The following KCNQ1 variants were observed in gnomAD, a reference collection of about 807,000 sequenced individuals.
The protein encoded by KCNQ1 is potassium voltage-gated channel subfamily Q member 1, also known as potassium voltage-gated channel subfamily KQT member 1.
Under a neutral mutation model 72.4 loss-of-function variants are expected in KCNQ1, and 49 were observed. That is an observed-to-expected ratio of 0.68 (90% CI 0.54 to 0.86). The LOEUF (loss-of-function observed/expected upper bound fraction) is 0.86, where lower values mean the gene tolerates loss of function less well. KCNQ1 is among the 40% of genes least tolerant of loss of function. The pLI is 0.00. For synonymous variants in KCNQ1, 450 were observed against 412.6 expected (o/e 1.09, Z -1.10); for missense variants, 790 against 945.1 (o/e 0.84, Z 2.15).
chr11:2,841,106 G>C lies in KCNQ1; in HGVS notation c.1795-6661G>C, dbSNP rs148496980. Among the ~76,000 whole-genome samples, 723 of 152,312 alleles carry C rather than the reference G, an allele frequency of 4.7e-3. 6 individuals carry two copies. Among genetic ancestry groups the C allele is most frequent in the African/African-American group, 0.017 (695 of 41,558 alleles). On this transcript the variant is annotated intron_variant, in intron 15 of 15. Transcript: ENST00000155840. ...CCGGGACATTTCAGGGAGTGGTGAA[G>C]GCTTACAGGAACATGGGGAGAGATG...
In KCNQ1 at chr11:2,766,297, G is replaced by A. The variant is rs1474532506; in HGVS notation, c.1515-2547G>A. Reference sequence around the variant, plus strand: ...CTGCCCAGTTGGGTGGTCTCACTTGGATTCGATGACATGGCAGTACTTGCA... The same window carrying A: ...CTGCCCAGTTGGGTGGTCTCACTTGAATTCGATGACATGGCAGTACTTGCA... On this transcript the variant is annotated intron_variant, in intron 11 of 15. Transcript: ENST00000155840. This position sits in a 1 kb window ranked among gnomAD's most constrained non-coding sequence, Gnocchi z 4.4. 1.3e-5 allele frequency among the ~76,000 whole-genome samples: 2 copies of A among 152,208 alleles called. No homozygotes were observed. The highest frequency in any genetic ancestry group is 2.9e-5 in the Non-Finnish European group (2 of 68,038).
Position 2,683,156 on chromosome 11 carries a change from A to G in KCNQ1, c.1514+21075A>G, listed in dbSNP as rs1850426908. ...GTGTGGGGATGGGCTAGCATTAGGA[A>G]TGGGTATTAGCATCTGCATTAAAAG... On this transcript the variant is annotated intron_variant, in intron 11 of 15. Coordinates refer to ENST00000155840, the MANE Select transcript of KCNQ1 (RefSeq NM_000218.3). The surrounding 1 kb of genome is among the most constrained non-coding windows in gnomAD (Gnocchi z 4.7). The G allele has an allele frequency of 2.5e-6, 1 of 398,598 alleles. No homozygotes were observed. Among genetic ancestry groups the G allele is most frequent in the East Asian group, 3.6e-5 (1 of 28,074 alleles). 24.7% of individuals were successfully genotyped at this position (398,598 alleles called of 1,614,324 possible).
chr11:2,725,614 G>A lies in KCNQ1; in HGVS notation c.1515-43230G>A, dbSNP rs953832889. Among the ~76,000 whole-genome samples the A allele has an allele frequency of 1.3e-5, 2 of 152,114 alleles. No individual in the cohort carries two copies. Among genetic ancestry groups the A allele is most frequent in the Non-Finnish European group, 1.5e-5 (1 of 68,018 alleles). Reference sequence around the variant, plus strand: ...TCAGACTTGCCCTCGCCCCCTTCCCGAACGTACCCTTTCCATGAGGCTGGG... The same window carrying A: ...TCAGACTTGCCCTCGCCCCCTTCCCAAACGTACCCTTTCCATGAGGCTGGG... On this transcript the variant is annotated intron_variant, in intron 11 of 15. Coordinates refer to ENST00000155840, the MANE Select transcript of KCNQ1 (RefSeq NM_000218.3). This position sits in a 1 kb window ranked among gnomAD's most constrained non-coding sequence, Gnocchi z 7.2.
chr11:2,472,397 T>C (rs1203970735), intron 1 of KCNQ1, among the ~76,000 whole-genome samples: 3 of 151,894 alleles, frequency 2.0e-5, no homozygotes. Context: ...TGTTTGTGTC[T>C]GGGTGTGTGT....
intron 2 of KCNQ1, among the ~76,000 whole-genome samples, chr11:2,531,530 A>C (rs1181673378): frequency 6.6e-6 from 1 of 152,098 alleles, no homozygotes; most frequent in Non-Finnish European, 1.5e-5. Context: ...AGCCCTGCCC[A>C]CTGTCTGCGC....
At chr11:2,545,150 A>G (rs1467011435) in intron 2 of KCNQ1, among the ~76,000 whole-genome samples, 4 of 152,216 alleles carry the variant, frequency 2.6e-5, no homozygotes, top group Non-Finnish European at 4.4e-5. Flanking sequence ...GTCATGCTCT[A>G]GTATTCTTTT....
intron 1 of KCNQ1, among the ~76,000 whole-genome samples, chr11:2,512,056 G>T (rs890606822): frequency 5.3e-5 from 8 of 152,214 alleles, no homozygotes. Context: ...CTGCGCTGTC[G>T]GGCTCGGCGT....
intron 15 of KCNQ1, among the ~76,000 whole-genome samples, chr11:2,789,172 GC>G (rs1336885015): frequency 1.3e-5 from 2 of 152,198 alleles, no homozygotes; most frequent in African/African-American, 4.8e-5. Context: ...CCCACCAGTG[GC>G]CAGGGGAATG....
chr11:2,702,704 TC>T (rs1028930821), intron 11 of KCNQ1, among the ~76,000 whole-genome samples: 3 of 152,082 alleles, frequency 2.0e-5, no homozygotes, highest in African/African-American at 7.2e-5. Context: ...CCTGACAAAT[TC>T]CCCGCCTGTG....
intron 10 of KCNQ1, chr11:2,633,245 T>A: frequency 2.5e-6 from 1 of 398,582 alleles, no homozygotes; most frequent in Non-Finnish European, 4.4e-6. Context: ...TGGTGTTTTT[T>A]GCTGTTGAAT....
chr11:2,847,877 G>A lies in KCNQ1; in HGVS notation c.1905G>A (p.Gly635=), dbSNP rs1003639764. Residue 635 remains glycine, a synonymous_variant, in exon 16 of 16, where the codon GGG becomes GGA. Transcript: ENST00000155840. Reference sequence around the variant, plus strand: ...GCGGCGGCCCCCCCAGAGAGGGCGGGGCCCACATCACCCAGCCCTGCGGCA... The same window carrying A: ...GCGGCGGCCCCCCCAGAGAGGGCGGAGCCCACATCACCCAGCCCTGCGGCA... ...PGSGGPPREG[G]AHITQPCGSG... 34 of 1,580,314 alleles carry A rather than the reference G, an allele frequency of 2.2e-5. No individual in the cohort carries two copies. Among genetic ancestry groups the A allele is most frequent in the African/African-American group, 4.0e-5 (3 of 74,150 alleles).
intron 10 of KCNQ1, chr11:2,655,239 G>A (rs989328654): frequency 5.0e-6 from 2 of 398,614 alleles, no homozygotes; most frequent in Non-Finnish European, 8.8e-6. Flanking sequence ...GGCTGCCTTT[G>A]CCATCCCAGA....
chr11:2,493,697 A>C lies in KCNQ1; in HGVS notation c.387-34231A>C, dbSNP rs1213186625. On this transcript the variant is annotated intron_variant, in intron 1 of 15. Coordinates refer to ENST00000155840, the MANE Select transcript of KCNQ1 (RefSeq NM_000218.3). The surrounding 1 kb of genome is among the most constrained non-coding windows in gnomAD (Gnocchi z 5.3). Reference sequence around the variant, plus strand: ...ATTTCTGAGGTCTCTGTTCTGTTCCATTGGTTTATATATCTGTCTTCATAC... The same window carrying C: ...ATTTCTGAGGTCTCTGTTCTGTTCCCTTGGTTTATATATCTGTCTTCATAC... 6.6e-6 allele frequency among the ~76,000 whole-genome samples: 1 copy of C among 152,048 alleles called. No homozygotes were observed. The highest frequency in any genetic ancestry group is 2.4e-5 in the African/African-American group (1 of 41,384).
chr11:2,732,575 G>A (rs2133942194), intron 11 of KCNQ1, among the ~76,000 whole-genome samples: 1 of 152,346 alleles, frequency 6.6e-6, no homozygotes, highest in South Asian at 2.1e-4. Context: ...CAGCAGGCGC[G>A]AGCGAAGGGG....
chr11:2,563,293 C>T lies in KCNQ1; in HGVS notation c.478-7335C>T, dbSNP rs1283727293. Among the ~76,000 whole-genome samples, 5 of 152,310 alleles carry T rather than the reference C, an allele frequency of 3.3e-5. No homozygotes were observed. Among genetic ancestry groups the T allele is most frequent in the East Asian group, 3.9e-4 (2 of 5,192 alleles). On this transcript the variant is annotated intron_variant, in intron 2 of 15. Coordinates refer to ENST00000155840, the MANE Select transcript of KCNQ1 (RefSeq NM_000218.3). The surrounding 1 kb of genome is among the most constrained non-coding windows in gnomAD (Gnocchi z 7.4). ...TCTCGGAGAACACCGGTTCCACGGC[C>T]GGTTGCAACACGTTTGAGCCAAAGT...
Position 2,468,597 on chromosome 11 carries a change from C to T in KCNQ1, c.386+23113C>T, listed in dbSNP as rs148436994. On this transcript the variant is annotated intron_variant, in intron 1 of 15. Transcript: ENST00000155840. This position sits in a 1 kb window ranked among gnomAD's most constrained non-coding sequence, Gnocchi z 5.7. ...TCACAGCGTCCCCCTGTCCCCACGACCAGGCCACTGCTGCCCTACCATCAG... is the reference window on the plus strand; with the variant it reads ...TCACAGCGTCCCCCTGTCCCCACGATCAGGCCACTGCTGCCCTACCATCAG... Among the ~76,000 whole-genome samples the T allele has an allele frequency of 6.4e-4, 97 of 152,348 alleles. No homozygotes were observed. The highest frequency in any genetic ancestry group is 1.1e-3 in the Non-Finnish European group (77 of 68,038).
chr11:2,700,686 C>T (rs934429730), intron 11 of KCNQ1, among the ~76,000 whole-genome samples: 10 of 152,024 alleles, frequency 6.6e-5, no homozygotes, highest in African/African-American at 2.2e-4. Flanking sequence ...CAGGGGTGGC[C>T]GGGACATGCC....
intron 11 of KCNQ1, chr11:2,681,354 C>T (rs1257823348): frequency 2.5e-6 from 1 of 398,360 alleles, no homozygotes; most frequent in African/African-American, 2.1e-5. Context: ...TTGTAGCTCC[C>T]TGCTCACTCC....
Position 2,497,855 on chromosome 11 carries a change from T to G in KCNQ1, c.387-30073T>G, listed in dbSNP as rs966638242. The stretch of plus-strand genomic sequence containing the variant: ...ATGACCTTTGGATGGGGTTTTTGTG[T>G]GGGGGGTCCCTTTTGTTGATGTTGA... On this transcript the variant is annotated intron_variant, in intron 1 of 15. Coordinates refer to ENST00000155840, the MANE Select transcript of KCNQ1 (RefSeq NM_000218.3). This position sits in a 1 kb window ranked among gnomAD's most constrained non-coding sequence, Gnocchi z 4.5. 2.0e-5 allele frequency among the ~76,000 whole-genome samples: 3 copies of G among 152,192 alleles called. No individual in the cohort carries two copies. The highest frequency in any genetic ancestry group is 6.5e-5 in the Admixed American group (1 of 15,278).
Sources: allele counts gnomAD v4.1 joint callset (sites outside exome capture counted in the v4.1 genomes callset), GRCh38; gene constraint gnomAD v4.1.1; non-coding constraint Gnocchi (gnomAD v3.1); transcripts MANE v1.5; gene names NCBI Gene and HGNC (gene_info 2026-07-23, HGNC 2026-07-21).